NRXN1: variants seen among roughly 807,000 people sequenced by gnomAD.
NRXN1 encodes the protein neurexin 1, also known as neurexin-1.
In NRXN1, 39 loss-of-function variants were observed where a neutral mutation model predicts 150.9. The ratio of observed to expected loss-of-function variants is 0.26; its 90% CI spans 0.20 to 0.34. The LOEUF (loss-of-function observed/expected upper bound fraction) is 0.34. Ranked by LOEUF, NRXN1 falls within the 10% of genes least tolerant of loss-of-function variation. The pLI, the probability that NRXN1 is intolerant of heterozygous loss-of-function variation, is 1.00. For synonymous variants in NRXN1, 924 were observed against 757.0 expected (o/e 1.22, Z -3.62); for missense variants, 1,815 against 1,949.9 (o/e 0.93, Z 1.30).
intron 5 of NRXN1, among the ~76,000 whole-genome samples, chr2:50,790,226 C>A (rs949435930): frequency 6.6e-6 from 1 of 152,102 alleles, no homozygotes; most frequent in African/African-American, 2.4e-5. Context: ...GTTCTTGCAA[C>A]TCTTCCCACT....
intron 18 of NRXN1, among the ~76,000 whole-genome samples, chr2:50,179,057 G>T (rs1360323660): frequency 1.3e-5 from 2 of 152,058 alleles, no homozygotes; most frequent in South Asian, 2.1e-4. Flanking sequence ...TAGTTCAAAG[G>T]AGCAAAACAC....
At chr2:50,465,709 G>A in intron 16 of NRXN1, 148 bp from the exon 17 acceptor site, 2 of 691,338 alleles carry the variant, frequency 2.9e-6, no homozygotes, top group South Asian at 3.1e-5. Context: ...ACCTGAATTA[G>A]GAACTGAGAG....
chr2:50,922,764 G>T (rs1686247117), intron 3 of NRXN1, 77 bp from the exon 4 acceptor site: 1 of 1,383,952 alleles, frequency 7.2e-7, no homozygotes, highest in Non-Finnish European at 1.0e-6. Flanking sequence ...TGACAAAAAT[G>T]TTCAGTGACA....
At chr2:50,753,967 G>C (rs916208640) in intron 5 of NRXN1, among the ~76,000 whole-genome samples, 3 of 141,550 alleles carry the variant, frequency 2.1e-5, no homozygotes, top group African/African-American at 7.9e-5. Flanking sequence ...TTTTTTTTGG[G>C]GGGGGGCGGA....
intron 5 of NRXN1, among the ~76,000 whole-genome samples, 163 bp downstream of exon 5, chr2:50,921,706 T>C (rs1420893870): frequency 6.6e-6 from 1 of 151,730 alleles, no homozygotes; most frequent in Non-Finnish European, 1.5e-5. Context: ...TGGAAACATA[T>C]TGATGGATTT....
chr2:50,746,579 AC>A (rs1700053539), intron 5 of NRXN1, among the ~76,000 whole-genome samples: 2 of 149,736 alleles, frequency 1.3e-5, no homozygotes, highest in Non-Finnish European at 2.9e-5. Flanking sequence ...AACAACAACA[AC>A]AACAACAACA....
intron 18 of NRXN1, among the ~76,000 whole-genome samples, chr2:50,154,320 G>T (rs1340479247): frequency 6.6e-6 from 1 of 151,450 alleles, no homozygotes; most frequent in Admixed American, 6.6e-5. Context: ...TCATTATTAA[G>T]AACTTATTCA....
At chr2:50,337,282 T>C (rs1216247080) in intron 17 of NRXN1, among the ~76,000 whole-genome samples, 1 of 151,876 alleles carries the variant, frequency 6.6e-6, no homozygotes, top group East Asian at 1.9e-4. Flanking sequence ...ATGGGGTTTC[T>C]CTATGTTGGT....
rs2078580623 is a variant in NRXN1, at chr2:50,353,627, G to A, written c.3364+111815C>T. On this transcript the variant is annotated intron_variant, in intron 17 of 22. Transcript: ENST00000401669. ...AATCTATTAAACACACAATAAATAT[G>A]TTATTATTCTTTATTCATGTGTACT... Among the ~76,000 whole-genome samples, 3 of 151,994 alleles carry A rather than the reference G, an allele frequency of 2.0e-5. No individual in the cohort carries two copies. The South Asian group carries it at 6.2e-4, about 32-fold the overall frequency.
chr2:50,382,165 A>G (rs899466553), intron 17 of NRXN1, among the ~76,000 whole-genome samples: 2 of 152,198 alleles, frequency 1.3e-5, no homozygotes, highest in African/African-American at 4.8e-5. Flanking sequence ...AAGACCTTAC[A>G]AGAAAGATCA....
intron 9 of NRXN1, among the ~76,000 whole-genome samples, chr2:50,547,001 C>G (rs1423741971): frequency 6.6e-6 from 1 of 152,122 alleles, no homozygotes. Flanking sequence ...ATGGTGTACA[C>G]AGAAATCAGT....
At chr2:50,448,682 A>G (rs1180125325) in intron 17 of NRXN1, among the ~76,000 whole-genome samples, 1 of 152,164 alleles carries the variant, frequency 6.6e-6, no homozygotes, top group East Asian at 1.9e-4. Context: ...ACTTATGTGC[A>G]GTGATACACT....
At chr2:49,973,133 C>T (rs1226827052) in intron 21 of NRXN1, 1 of 152,208 alleles carries the variant, frequency 6.6e-6, no homozygotes, top group Admixed American at 6.5e-5. Context: ...CTCTCACATA[C>T]ACAAACAGCA....
chr2:50,562,375 A>T (rs1362966867), intron 8 of NRXN1, among the ~76,000 whole-genome samples: 1 of 150,088 alleles, frequency 6.7e-6, no homozygotes, highest in Non-Finnish European at 1.5e-5. Context: ...GATTTCCTAC[A>T]GTCTGTCCTT....
At chr2:50,030,911 T>C (rs1157550635) in intron 21 of NRXN1, among the ~76,000 whole-genome samples, 2 of 152,042 alleles carry the variant, frequency 1.3e-5, no homozygotes, top group African/African-American at 4.8e-5. Flanking sequence ...TGCACTAACA[T>C]TGTAAGCTCC....
At chr2:50,716,403 C>T (rs760535007) in intron 5 of NRXN1, among the ~76,000 whole-genome samples, 8 of 151,990 alleles carry the variant, frequency 5.3e-5, no homozygotes, top group Non-Finnish European at 1.2e-4. Context: ...TAAATTAAAA[C>T]ATGAGTCATT....
At chr2:50,006,633 C>A (rs1481950130) in intron 21 of NRXN1, among the ~76,000 whole-genome samples, 2 of 152,018 alleles carry the variant, frequency 1.3e-5, no homozygotes, top group Admixed American at 6.6e-5. Context: ...GTTGATATAC[C>A]CACCTTTAAA....
intron 9 of NRXN1, among the ~76,000 whole-genome samples, chr2:50,540,531 C>T (rs2093364749): frequency 2.0e-5 from 3 of 152,136 alleles, no homozygotes; most frequent in Non-Finnish European, 4.4e-5. Context: ...CTATCCTCTG[C>T]AGTAGCTAAT....
At chr2:50,749,957 G>T in intron 5 of NRXN1, among the ~76,000 whole-genome samples, 1 of 151,924 alleles carries the variant, frequency 6.6e-6, no homozygotes, top group East Asian at 1.9e-4. Context: ...ATGCTTAAAG[G>T]CACAACTTCA....
Sources: allele counts gnomAD v4.1 joint callset (sites outside exome capture counted in the v4.1 genomes callset), GRCh38; gene constraint gnomAD v4.1.1; transcripts MANE v1.5; gene names NCBI Gene and HGNC (gene_info 2026-07-23, HGNC 2026-07-21).